Variants in RORA observed in about 807,000 individuals in gnomAD.
RORA encodes nuclear receptor ROR-alpha.
Under a neutral mutation model 69.5 loss-of-function variants are expected in RORA, and 7 were observed. That is an observed-to-expected ratio of 0.10 (90% confidence interval 0.06 to 0.19). The LOEUF is 0.19. Among genes scored for constraint, RORA ranks in the 10% least tolerant of loss-of-function variants. RORA has a pLI of 1.00. For synonymous variants in RORA, 261 were observed against 240.8 expected (o/e 1.08, Z -0.78); for missense variants, 457 against 663.0 (o/e 0.69, Z 3.41).
intron 1 of RORA, among the ~76,000 whole-genome samples, chr15:60,813,649 C>T (rs1439174860): frequency 1.3e-5 from 2 of 152,144 alleles, no homozygotes. Flanking sequence ...TAGAGTCTAA[C>T]TGGCCACAGT....
At chr15:60,730,468 TG>T (rs1367574735) in intron 1 of RORA, among the ~76,000 whole-genome samples, 1 of 152,244 alleles carries the variant, frequency 6.6e-6, no homozygotes, top group East Asian at 1.9e-4. Context: ...ACATGCTGGC[TG>T]GAAAAATCTT....
rs1000478694 is a variant in RORA, at chr15:60,565,906, G to C, written c.197-34055C>G. ...TGTCACTCACCTCCTGGCTTGAACA[G>C]AAGTGAATTCTGATACAAGTTTCTT... On this transcript the variant is annotated intron_variant, in intron 2 of 10. Coordinates refer to ENST00000335670, the MANE Select transcript of RORA (RefSeq NM_134261.3). 3.9e-5 allele frequency among the ~76,000 whole-genome samples: 6 copies of C among 152,356 alleles called. No homozygotes were observed. The East Asian group carries it at 1.2e-3, about 29-fold the overall frequency.
At chr15:60,577,494 A>C (rs2068058926) in intron 2 of RORA, among the ~76,000 whole-genome samples, 1 of 152,112 alleles carries the variant, frequency 6.6e-6, no homozygotes. Flanking sequence ...AAATACAAAA[A>C]TTAGCCGGGT....
chr15:61,185,623 T>A (rs1311611416), intron 1 of RORA, among the ~76,000 whole-genome samples: 3 of 152,232 alleles, frequency 2.0e-5, no homozygotes, highest in Admixed American at 6.5e-5. Flanking sequence ...GGCTCCCACA[T>A]TCAAGTGAAA....
chr15:60,877,083 C>G (rs990993738), intron 1 of RORA, among the ~76,000 whole-genome samples: 10 of 152,050 alleles, frequency 6.6e-5, no homozygotes, highest in Admixed American at 5.9e-4. Flanking sequence ...ACTTGTACAC[C>G]TGAACTTAAA....
intron 2 of RORA, among the ~76,000 whole-genome samples, chr15:60,652,701 A>G (rs1431338422): frequency 1.3e-5 from 2 of 152,062 alleles, no homozygotes; most frequent in Non-Finnish European, 2.9e-5. Context: ...CCTTCCCTCA[A>G]TTAGTTGGTA....
At chr15:61,048,495 G>C (rs1283607372) in intron 1 of RORA, among the ~76,000 whole-genome samples, 1 of 152,130 alleles carries the variant, frequency 6.6e-6, no homozygotes, top group Non-Finnish European at 1.5e-5. Context: ...CTCCTGTCCC[G>C]GGGGAACTGT....
chr15:60,819,021 C>G (rs2072852823), intron 1 of RORA, among the ~76,000 whole-genome samples: 1 of 152,204 alleles, frequency 6.6e-6, no homozygotes, highest in Admixed American at 6.5e-5. Context: ...TGAATAGATT[C>G]CAGCAGCCCA....
intron 1 of RORA, among the ~76,000 whole-genome samples, chr15:61,142,836 A>G (rs1157107092): frequency 6.6e-6 from 1 of 152,196 alleles, no homozygotes; most frequent in East Asian, 1.9e-4. Context: ...CCTTAATAAA[A>G]TAGAAATCCA....
At chr15:60,497,885 C>T (rs2065210361) in intron 10 of RORA, among the ~76,000 whole-genome samples, 1 of 151,808 alleles carries the variant, frequency 6.6e-6, no homozygotes, top group Admixed American at 6.6e-5. Context: ...ACGGTGAAAC[C>T]CTGTCTCTAC....
At position 60,502,964 on chromosome 15, in the gene RORA, A is replaced by G; in HGVS notation, c.1076-97T>C. 1.7e-5 allele frequency: 14 copies of G among 833,292 alleles called. 1 individual carries two copies. The South Asian group carries it at 1.7e-4, about 10-fold the overall frequency. 51.6% of individuals were successfully genotyped at this position (833,292 alleles called of 1,614,324 possible). A position where few individuals can be genotyped will look rare whatever the true frequency, so the allele number is the denominator to read the frequency against. ...ATGTAGAGACTCCTTCTGCAACAGC[A>G]TGGTGGGTGTCGTGTGCAGTTTAGC... On this transcript the variant is annotated intron_variant, in intron 7 of 10. Transcript: ENST00000335670.
intron 1 of RORA, among the ~76,000 whole-genome samples, chr15:61,210,316 C>T (rs1370425601): frequency 2.0e-5 from 3 of 152,108 alleles, no homozygotes; most frequent in African/African-American, 7.2e-5. Flanking sequence ...GTTTCCTATT[C>T]CATCTAAATG....
rs573779462 is a variant in RORA at position 61,185,076 on chromosome 15, T to TG, written c.166+43976dup. Among the ~76,000 whole-genome samples, 154 of 151,278 alleles carry TG rather than the reference T, an allele frequency of 1.0e-3. 2 individuals carry two copies. Among genetic ancestry groups the TG allele is most frequent in the Admixed American group, 0.01 (154 of 15,228 alleles). On this transcript the variant is annotated intron_variant, in intron 1 of 10. Transcript: ENST00000335670. Reference sequence around the variant, plus strand: ...CCTACCACCCAAGAACTTATCAAGGTGGCAGACACATGGAACATGCAGGCG... The same window carrying TG: ...CCTACCACCCAAGAACTTATCAAGGTGGGCAGACACATGGAACATGCAGGCG...
intron 6 of RORA, among the ~76,000 whole-genome samples, chr15:60,504,097 G>A (rs1033306381): frequency 6.6e-6 from 1 of 151,902 alleles, no homozygotes; most frequent in Non-Finnish European, 1.5e-5. Context: ...CACCGTGCCC[G>A]GTCTGGATCT....
chr15:60,715,166 G>A (rs2071203291), intron 1 of RORA, among the ~76,000 whole-genome samples: 1 of 152,182 alleles, frequency 6.6e-6, no homozygotes, highest in African/African-American at 2.4e-5. Context: ...AGCAGCCTGT[G>A]ATGCAGGGCC....
chr15:60,974,827 C>T (rs1252871199), intron 1 of RORA, among the ~76,000 whole-genome samples: 1 of 152,168 alleles, frequency 6.6e-6, no homozygotes, highest in Non-Finnish European at 1.5e-5. Flanking sequence ...GAAGGAGGGG[C>T]CCTCACAGCT....
chr15:60,756,596 GT>G (rs1216503593), intron 1 of RORA, among the ~76,000 whole-genome samples: 1 of 152,268 alleles, frequency 6.6e-6, no homozygotes, highest in East Asian at 1.9e-4. Flanking sequence ...CTTATATCCA[GT>G]TTGGCTTTTA....
intron 1 of RORA, among the ~76,000 whole-genome samples, chr15:61,047,649 A>T (rs1163546277): frequency 6.6e-6 from 1 of 152,158 alleles, no homozygotes; most frequent in Non-Finnish European, 1.5e-5. Context: ...CTGAAGCATC[A>T]CTCATTTTGC....
chr15:60,842,256 C>T (rs2073208897), intron 1 of RORA, among the ~76,000 whole-genome samples: 1 of 152,094 alleles, frequency 6.6e-6, no homozygotes, highest in South Asian at 2.1e-4. Flanking sequence ...AAGATTTCCC[C>T]AAACAGCAAT....
Sources: allele counts gnomAD v4.1 joint callset (sites outside exome capture counted in the v4.1 genomes callset), GRCh38; gene constraint gnomAD v4.1.1; transcripts MANE v1.5; gene names NCBI Gene and HGNC (gene_info 2026-07-23, HGNC 2026-07-21).